The following ERBB4 variants were observed in gnomAD, a reference collection of about 807,000 sequenced individuals.
ERBB4 encodes the protein receptor tyrosine-protein kinase erbB-4.
A neutral mutation model predicts 158.0 loss-of-function variants in ERBB4; 42 were observed. The observed-to-expected ratio is 0.27, with a 90% CI of 0.21 to 0.34. The LOEUF is 0.34. ERBB4 is among the 10% of genes least tolerant of loss of function. The probability of loss-of-function intolerance (pLI) is 1.00; values close to 1 mark genes in which losing one functional copy is unlikely to be tolerated. For missense variants in ERBB4, 1,333 were observed against 1,624.1 expected, an observed-to-expected ratio of 0.82 and a Z score of 3.08; for synonymous variants, 583 against 558.7, an observed-to-expected ratio of 1.04 and a Z score of -0.61.
In ERBB4 at chr2:211,586,583, T is replaced by G. The variant is rs12989070; in HGVS notation, c.2302-24495A>C. On this transcript the variant is annotated intron_variant, in intron 19 of 27. Coordinates refer to ENST00000342788, the MANE Select transcript of ERBB4 (RefSeq NM_005235.3). ...TCTGCCCATACGCAATCCTAGAGAA[T>G]ACAAGTAGGAACTCTATTCCTCCTT... Among the ~76,000 whole-genome samples the G allele has an allele frequency of 9.6e-3, 1,459 of 152,268 alleles. 22 individuals are homozygous for G. The highest frequency in any genetic ancestry group is 0.033 in the African/African-American group (1,371 of 41,552).
At chr2:212,218,261 A>G (rs2083167421) in intron 1 of ERBB4, among the ~76,000 whole-genome samples, 2 of 151,380 alleles carry the variant, frequency 1.3e-5, no homozygotes, top group Non-Finnish European at 3.0e-5. Context: ...TATCTGAAGT[A>G]CAAATTAAAT....
chr2:212,028,629 C>A (rs1226877742), intron 2 of ERBB4, among the ~76,000 whole-genome samples: 1 of 152,072 alleles, frequency 6.6e-6, no homozygotes, highest in Non-Finnish European at 1.5e-5. Context: ...TGCACGCAGG[C>A]AAAACATTAA....
intron 2 of ERBB4, among the ~76,000 whole-genome samples, chr2:212,035,013 T>A (rs931795395): frequency 6.6e-6 from 1 of 152,190 alleles, no homozygotes; most frequent in African/African-American, 2.4e-5. Flanking sequence ...TAGGAAAATA[T>A]CTTAGATAAT....
chr2:211,405,269 A>G (rs899122178), intron 25 of ERBB4, among the ~76,000 whole-genome samples: 10 of 152,274 alleles, frequency 6.6e-5, no homozygotes, highest in African/African-American at 2.4e-4. Flanking sequence ...AGAAAATATG[A>G]GGAAGCAATT....
chr2:212,373,949 A>C (rs1399265375), intron 1 of ERBB4, among the ~76,000 whole-genome samples: 2 of 73,176 alleles, frequency 2.7e-5, no homozygotes, highest in Non-Finnish European at 5.1e-5. Flanking sequence ...CCATATATAT[A>C]TCATATATAT....
chr2:211,978,388 G>GTCTTTCTT (rs1230858327), intron 2 of ERBB4, among the ~76,000 whole-genome samples: 1 of 112,394 alleles, frequency 8.9e-6, no homozygotes, highest in African/African-American at 3.6e-5. Context: ...CTGTCTGTCT[G>GTCTTTCTT]TCTGTCTGTC....
chr2:211,494,632 C>A (rs1406117686), intron 20 of ERBB4, among the ~76,000 whole-genome samples: 2 of 152,102 alleles, frequency 1.3e-5, no homozygotes, highest in African/African-American at 4.8e-5. Flanking sequence ...TAATTACCTA[C>A]TTGCCACCTA....
At chr2:212,064,540 G>A (rs1446573528) in intron 2 of ERBB4, among the ~76,000 whole-genome samples, 1 of 152,112 alleles carries the variant, frequency 6.6e-6, no homozygotes, top group African/African-American at 2.4e-5. Flanking sequence ...TCTTGGCAGA[G>A]TCTTCCTTCT....
At chr2:211,990,161 A>C (rs1206937036) in intron 2 of ERBB4, among the ~76,000 whole-genome samples, 4 of 152,082 alleles carry the variant, frequency 2.6e-5, no homozygotes, top group African/African-American at 9.6e-5. Flanking sequence ...AACAATTTCT[A>C]GGCATTTGAA....
At chr2:211,421,361 A>T (rs774589486) in intron 24 of ERBB4, among the ~76,000 whole-genome samples, 1 of 151,922 alleles carries the variant, frequency 6.6e-6, no homozygotes, top group Non-Finnish European at 1.5e-5. Context: ...AATACACTCT[A>T]GTCCAAGGCC....
At chr2:212,150,610 A>G (rs547883916) in intron 1 of ERBB4, among the ~76,000 whole-genome samples, 2 of 152,156 alleles carry the variant, frequency 1.3e-5, no homozygotes, top group Admixed American at 1.3e-4. Context: ...TGAGAATCCA[A>G]TGGGTTAAGA....
intron 1 of ERBB4, among the ~76,000 whole-genome samples, chr2:212,326,654 C>T (rs1299300266): frequency 6.6e-6 from 1 of 150,684 alleles, no homozygotes; most frequent in African/African-American, 2.4e-5. Context: ...GTCCCTAATG[C>T]ATAACCCTTT....
chr2:211,893,097 G>A (rs1175463574), intron 3 of ERBB4, among the ~76,000 whole-genome samples: 5 of 145,506 alleles, frequency 3.4e-5, no homozygotes, highest in East Asian at 1.9e-4. Context: ...AGCCCGCATC[G>A]CCAAGTCAAT....
intron 2 of ERBB4, among the ~76,000 whole-genome samples, chr2:212,036,527 T>G (rs892156254): frequency 1.3e-5 from 2 of 151,124 alleles, no homozygotes; most frequent in African/African-American, 4.9e-5. Context: ...TGCAGTGGAG[T>G]GATCTGGGCT....
chr2:211,887,788 G>C (rs927813229), intron 3 of ERBB4, among the ~76,000 whole-genome samples: 1 of 152,010 alleles, frequency 6.6e-6, no homozygotes, highest in Non-Finnish European at 1.5e-5. Flanking sequence ...GTTTATTGTC[G>C]GTCTGCCTCT....
At chr2:212,332,968 G>T (rs947975347) in intron 1 of ERBB4, among the ~76,000 whole-genome samples, 2 of 151,962 alleles carry the variant, frequency 1.3e-5, no homozygotes, top group Non-Finnish European at 2.9e-5. Context: ...AATGGGTATA[G>T]AATTTAATAG....
chr2:211,671,917 T>A (rs2071858187), intron 14 of ERBB4, among the ~76,000 whole-genome samples: 1 of 152,192 alleles, frequency 6.6e-6, no homozygotes, highest in Non-Finnish European at 1.5e-5. Context: ...AGAAAATAGC[T>A]GCAAATGCCC....
chr2:212,077,205 T>C (rs1034336534), intron 2 of ERBB4, among the ~76,000 whole-genome samples: 1 of 151,938 alleles, frequency 6.6e-6, no homozygotes, highest in Non-Finnish European at 1.5e-5. Flanking sequence ...ATAACACAAC[T>C]GTGGGGGGCA....
At chr2:212,015,072 A>AAAAAT (rs1272859248) in intron 2 of ERBB4, among the ~76,000 whole-genome samples, 1 of 17,186 alleles carries the variant, frequency 5.8e-5, no homozygotes, top group African/African-American at 2.3e-4. Context: ...ATATATATAT[A>AAAAAT]TATATATATA....
Sources: allele counts gnomAD v4.1 joint callset (sites outside exome capture counted in the v4.1 genomes callset), GRCh38; gene constraint gnomAD v4.1.1; transcripts MANE v1.5; gene names NCBI Gene and HGNC (gene_info 2026-07-23, HGNC 2026-07-21).